The following VIPR1 variants were observed in gnomAD, a reference collection of about 807,000 sequenced individuals.
VIPR1 encodes vasoactive intestinal polypeptide receptor 1.
A neutral mutation model predicts 58.8 loss-of-function variants in VIPR1; 59 were observed. The observed-to-expected ratio is 1.00, with a 90% CI of 0.81 to 1.25. The LOEUF is 1.25. Ranked by LOEUF, VIPR1 falls within the 50% of genes most tolerant of loss-of-function variation. The pLI is 0.00. For missense variants in VIPR1, 626 were observed against 602.7 expected (o/e 1.04, Z -0.40); for synonymous variants, 251 against 242.1 (o/e 1.04, Z -0.34).
At chr3:42,505,436 C>T (rs1297783314) in intron 1 of VIPR1, among the ~76,000 whole-genome samples, 2 of 152,142 alleles carry the variant, frequency 1.3e-5, no homozygotes. Flanking sequence ...CCACCGGCAT[C>T]CTGCTGCCCC....
Position 42,531,434 on chromosome 3 carries a change from G to A in VIPR1, c.791-37G>A, listed in dbSNP as rs148233965. ...CATGCCCTCTACCCCTGCTTCCTGT[G>A]CCCTCTCTGCTCTTTCACTCTCCCT... On this transcript the variant is annotated intron_variant, in intron 7 of 12. Transcript: ENST00000325123. The A allele has an allele frequency of 1.2e-3, 1,900 of 1,555,226 alleles. 25 individuals carry two copies. The African/African-American group carries it at 0.023, about 19-fold the overall frequency.
At position 42,535,014 on chromosome 3, in the gene VIPR1, T is replaced by C. The variant is rs1234809343; in HGVS notation, c.1050T>C (p.Phe350=). The change falls in exon 11 of 13, where the codon TTT becomes TTC. Residue 350 remains phenylalanine (F), a synonymous_variant. Transcript: ENST00000325123. ...ARSTLLLIPL[F]GVHYIMFAFF... Reference sequence around the variant, plus strand: ...CCACACTCCTGCTGATCCCCCTGTTTGGAGTACACTACATCATGTTCGCCT... The same window carrying C: ...CCACACTCCTGCTGATCCCCCTGTTCGGAGTACACTACATCATGTTCGCCT... 1.4e-5 allele frequency: 22 copies of C among 1,614,082 alleles called. No individual in the cohort carries two copies. The highest frequency in any genetic ancestry group is 1.9e-5 in the Non-Finnish European group (22 of 1,180,026).
chr3:42,500,883 T>A (rs571812891), upstream of VIPR1, among the ~76,000 whole-genome samples: 3 of 152,270 alleles, frequency 2.0e-5, no homozygotes, highest in East Asian at 5.8e-4. Flanking sequence ...GTGTCCAGCC[T>A]CACTGATTAT....
At chr3:42,491,228 TG>T (rs1699659044) in intron 1 of VIPR1, among the ~76,000 whole-genome samples, 1 of 152,214 alleles carries the variant, frequency 6.6e-6, no homozygotes, top group East Asian at 1.9e-4. Context: ...AGCAAACAAC[TG>T]GTAAAAATAA....
intron 3 of VIPR1, among the ~76,000 whole-genome samples, chr3:42,522,143 G>T (rs571589147): frequency 2.9e-5 from 3 of 104,368 alleles, no homozygotes; most frequent in African/African-American, 7.5e-5. Context: ...ACAGCGTCTC[G>T]CTCTGTCCCC....
intron 3 of VIPR1, among the ~76,000 whole-genome samples, chr3:42,522,237 C>A (rs1372095639): frequency 1.3e-5 from 2 of 149,646 alleles, no homozygotes; most frequent in Non-Finnish European, 3.0e-5. Flanking sequence ...TCAGCCTCCC[C>A]AGTAGCTGGG....
At chr3:42,500,180 A>C (rs1489640513), upstream of VIPR1, 1 of 152,236 alleles carries the variant, frequency 6.6e-6, no homozygotes, top group African/African-American at 2.4e-5. Flanking sequence ...CAAAGGCATC[A>C]GATGCCTTCC....
At chr3:42,495,840 T>C (rs1241313380) in intron 1 of VIPR1, among the ~76,000 whole-genome samples, 1 of 151,698 alleles carries the variant, frequency 6.6e-6, no homozygotes, top group Non-Finnish European at 1.5e-5. Flanking sequence ...TGAAAGAACT[T>C]GGAATAACAA....
rs115999934 is a variant in VIPR1, at chr3:42,523,841, G to A, written c.293-2046G>A. ...ATCCTCTTTTTTTTTTCCCTGAGTC[G>A]GAGTTTTACTCTGTCACCCAGGTGG... On this transcript the variant is annotated intron_variant, in intron 3 of 12. Transcript: ENST00000325123. Among the ~76,000 whole-genome samples the A allele has an allele frequency of 9.5e-3, 1,451 of 151,946 alleles. 33 individuals are homozygous for A. The highest frequency in any genetic ancestry group is 0.033 in the African/African-American group (1,379 of 41,406).
chr3:42,526,641 A>G (rs1259994611), intron 4 of VIPR1, among the ~76,000 whole-genome samples: 1 of 151,966 alleles, frequency 6.6e-6, no homozygotes, highest in African/African-American at 2.4e-5. Flanking sequence ...ACCCCCGAGG[A>G]CAGCAATTTC....
intron 6 of VIPR1, among the ~76,000 whole-genome samples, chr3:42,529,170 A>G (rs1701392561): frequency 1.3e-5 from 2 of 152,208 alleles, no homozygotes; most frequent in African/African-American, 4.8e-5. Context: ...GAGCTGAGTT[A>G]TGGCCAGACG....
chr3:42,511,180 A>T (rs149416612), intron 1 of VIPR1, among the ~76,000 whole-genome samples: 58 of 152,258 alleles, frequency 3.8e-4, no homozygotes, highest in Middle Eastern at 6.8e-3. Flanking sequence ...TATTAAGAGA[A>T]CCTGATTTTT....
intron 1 of VIPR1, among the ~76,000 whole-genome samples, chr3:42,490,403 CT>C (rs1196505675): frequency 1.3e-5 from 2 of 152,224 alleles, no homozygotes; most frequent in Non-Finnish European, 2.9e-5. Flanking sequence ...GCAAGCACAG[CT>C]GGCAAGTGAC....
intron 10 of VIPR1, chr3:42,533,610 C>G (rs1701693967): frequency 6.6e-6 from 1 of 152,280 alleles, no homozygotes; most frequent in Admixed American, 6.6e-5. Flanking sequence ...AGAAAGGAAA[C>G]AGTTGTCAGC....
chr3:42,511,425 G>A (rs1700357995), intron 1 of VIPR1, among the ~76,000 whole-genome samples: 1 of 152,130 alleles, frequency 6.6e-6, no homozygotes, highest in African/African-American at 2.4e-5. Context: ...ATGCTCTGAT[G>A]GACTTAAGCC....
Position 42,530,904 on chromosome 3 carries a change from C to G in VIPR1, c.762C>G (p.Tyr254Ter), listed in dbSNP as rs1461938820. 1.4e-5 allele frequency: 23 copies of G among 1,614,062 alleles called. No homozygotes were observed. The highest frequency in any genetic ancestry group is 1.9e-5 in the Non-Finnish European group (23 of 1,179,962). ...TCTCCTTCTTCTCTGAGCGGAAGTA[C>G]TTCTGGGGGTACATACTCATCGGCT... ...LAVSFFSERK[Y>*]FWGYILIGWG... Residue 254 changes from tyrosine to a stop codon, truncating the protein, a stop_gained, in exon 7 of 13, where the codon TAC becomes TAG. Transcript: ENST00000325123. LOFTEE classifies it high-confidence loss of function.
intron 4 of VIPR1, 127 bp downstream of exon 4, chr3:42,526,120 T>C: frequency 2.3e-6 from 2 of 867,782 alleles, no homozygotes; most frequent in South Asian, 3.3e-5. Flanking sequence ...TCTGCCCTCC[T>C]CTAGCCTCCT....
intron 1 of VIPR1, among the ~76,000 whole-genome samples, chr3:42,513,134 G>A (rs998615557): frequency 3.9e-5 from 6 of 152,122 alleles, no homozygotes; most frequent in Non-Finnish European, 7.4e-5. Context: ...AGTAGATCTG[G>A]TATAGCTTGA....
intron 1 of VIPR1, among the ~76,000 whole-genome samples, chr3:42,494,956 T>A (rs904439890): frequency 1.3e-5 from 2 of 152,186 alleles, no homozygotes; most frequent in Non-Finnish European, 2.9e-5. Flanking sequence ...CTTACCATAA[T>A]AATTACTTAA....
Sources: allele counts gnomAD v4.1 joint callset (sites outside exome capture counted in the v4.1 genomes callset), GRCh38; gene constraint gnomAD v4.1.1; transcripts MANE v1.5; gene names NCBI Gene and HGNC (gene_info 2026-07-23, HGNC 2026-07-21).